The following GPHN variants were observed in gnomAD, a reference collection of about 807,000 sequenced individuals.
The protein encoded by GPHN is gephyrin.
GPHN carries 17 observed loss-of-function variants against 95.5 expected under a neutral mutation model. That is an observed-to-expected ratio of 0.18 (90% CI 0.12 to 0.27). The LOEUF (loss-of-function observed/expected upper bound fraction) is 0.27. Among genes scored for constraint, GPHN ranks in the 10% least tolerant of loss-of-function variants. The probability of loss-of-function intolerance (pLI) is 1.00; values close to 1 mark genes in which losing one functional copy is unlikely to be tolerated. For synonymous variants in GPHN, 320 were observed against 322.5 expected (o/e 0.99, Z 0.08); for missense variants, 660 against 978.1 (o/e 0.67, Z 4.34).
At chr14:67,731,011 T>G in the GPHN span, among the ~76,000 whole-genome samples, 1 of 152,164 alleles carries the variant, frequency 6.6e-6, no homozygotes, top group African/African-American at 2.4e-5. Flanking sequence ...TTTTTTATAT[T>G]GATTGCATGC....
At chr14:66,919,348 G>C (rs1392599650) in intron 6 of GPHN, among the ~76,000 whole-genome samples, 1 of 152,272 alleles carries the variant, frequency 6.6e-6, no homozygotes, top group East Asian at 1.9e-4. Flanking sequence ...GATAGGAAAA[G>C]AGTCAGCATG....
At chr14:67,473,253 C>T in the GPHN span, 6 of 890,680 alleles carry the variant, frequency 6.7e-6, no homozygotes, top group South Asian at 1.7e-5. The surrounding 1 kb of genome is among the most constrained non-coding windows in gnomAD (Gnocchi z 6.5). Flanking sequence ...CTGACCACGG[C>T]CCCCCAACAC....
chr14:67,217,326 A>G, the GPHN span, among the ~76,000 whole-genome samples: 1 of 152,164 alleles, frequency 6.6e-6, no homozygotes, highest in African/African-American at 2.4e-5. Context: ...TCATGTAGGC[A>G]GCATATAGTT....
the GPHN span, chr14:67,334,098 G>A: frequency 0.31 from 47,379 of 152,404 alleles, 11,278 homozygotes; most frequent in African/African-American, 0.64. Flanking sequence ...TCAAAAGGAA[G>A]GGAAGACCTG....
At chr14:67,015,023 A>T (rs534772060) in intron 9 of GPHN, among the ~76,000 whole-genome samples, 2 of 152,354 alleles carry the variant, frequency 1.3e-5, no homozygotes, top group East Asian at 3.9e-4. Flanking sequence ...TATTTCCTTG[A>T]GTCATGGTGA....
the GPHN span, chr14:67,647,011 T>C: frequency 3.1e-6 from 5 of 1,610,628 alleles, no homozygotes; most frequent in Non-Finnish European, 4.2e-6. Context: ...GAACATTTGA[T>C]CTGCTGATTG....
the GPHN span, among the ~76,000 whole-genome samples, chr14:67,554,301 G>A: frequency 1.3e-5 from 2 of 152,162 alleles, no homozygotes; most frequent in Non-Finnish European, 2.9e-5. Context: ...AAAGAGAGAA[G>A]GATTGATCAG....
At chr14:66,766,385 T>C (rs2058963113) in intron 2 of GPHN, among the ~76,000 whole-genome samples, 1 of 152,040 alleles carries the variant, frequency 6.6e-6, no homozygotes, top group Non-Finnish European at 1.5e-5. Context: ...GACTACACTT[T>C]AGGAGTGAAG....
the GPHN span, among the ~76,000 whole-genome samples, chr14:67,676,275 A>G: frequency 6.6e-6 from 1 of 152,152 alleles, no homozygotes; most frequent in Non-Finnish European, 1.5e-5. Flanking sequence ...TTATTAGATC[A>G]AGTTCATTGG....
chr14:67,593,988 C>A, the GPHN span: 1 of 1,417,482 alleles, frequency 7.1e-7, no homozygotes, highest in South Asian at 1.2e-5. Flanking sequence ...GTAAGATTAC[C>A]AAGTGGTACC....
chr14:67,094,056 G>C (rs978147106), intron 12 of GPHN, among the ~76,000 whole-genome samples: 3 of 152,078 alleles, frequency 2.0e-5, no homozygotes, highest in African/African-American at 4.8e-5. Context: ...CAGCCTTAAA[G>C]TGGAAATGAT....
chr14:66,672,272 A>G (rs1015417643), intron 1 of GPHN, among the ~76,000 whole-genome samples: 3 of 152,052 alleles, frequency 2.0e-5, no homozygotes, highest in African/African-American at 4.8e-5. Context: ...ATTGATTTCT[A>G]GTTTAATTCC....
chr14:67,292,825 A>G, the GPHN span: 1 of 776,722 alleles, frequency 1.3e-6, no homozygotes. Flanking sequence ...GTTTGAATTA[A>G]TTACTGTTAA....
At chr14:66,711,154 G>A (rs2069581133) in intron 2 of GPHN, among the ~76,000 whole-genome samples, 1 of 152,048 alleles carries the variant, frequency 6.6e-6, no homozygotes, top group Admixed American at 6.6e-5. Flanking sequence ...CACCTGAGCA[G>A]TATACACTGC....
chr14:67,387,159 G>T, the GPHN span: 1 of 568,814 alleles, frequency 1.8e-6, no homozygotes, highest in Non-Finnish European at 2.9e-6. Context: ...AGATGGGGAA[G>T]GAAATGGCAC....
intron 1 of GPHN, among the ~76,000 whole-genome samples, chr14:66,620,593 C>T (rs1302088257): frequency 6.6e-6 from 1 of 152,168 alleles, no homozygotes; most frequent in Non-Finnish European, 1.5e-5. Context: ...CTTCCCATGA[C>T]ACGTGGGAAT....
At chr14:67,617,959 T>C in the GPHN span, among the ~76,000 whole-genome samples, 1 of 152,162 alleles carries the variant, frequency 6.6e-6, no homozygotes, top group Non-Finnish European at 1.5e-5. Flanking sequence ...CCTCAGGTGA[T>C]CCACCTGCCT....
chr14:66,733,191 G>C (rs182168312), intron 2 of GPHN, among the ~76,000 whole-genome samples: 1 of 152,006 alleles, frequency 6.6e-6, no homozygotes. Flanking sequence ...TTCCCTGCTT[G>C]TGCTAGGTCT....
At chr14:66,539,003 T>G (rs1290981681) in intron 1 of GPHN, among the ~76,000 whole-genome samples, 1 of 152,178 alleles carries the variant, frequency 6.6e-6, no homozygotes, top group African/African-American at 2.4e-5. Context: ...GCAGTTTTAG[T>G]AAGATTTAGT....
Sources: allele counts gnomAD v4.1 joint callset (sites outside exome capture counted in the v4.1 genomes callset), GRCh38; gene constraint gnomAD v4.1.1; non-coding constraint Gnocchi (gnomAD v3.1); transcripts MANE v1.5; gene names NCBI Gene and HGNC (gene_info 2026-07-23, HGNC 2026-07-21).